The following DLG2 variants were observed in gnomAD, a reference collection of about 807,000 sequenced individuals.
The protein encoded by DLG2 is disks large homolog 2.
A neutral mutation model predicts 132.5 loss-of-function variants in DLG2; 45 were observed. The observed-to-expected ratio is 0.34, with a 90% CI of 0.27 to 0.44. The LOEUF is 0.44. Among genes scored for constraint, DLG2 ranks in the 20% least tolerant of loss-of-function variants. The pLI, the probability that DLG2 is intolerant of heterozygous loss-of-function variation, is 1.00. For missense variants in DLG2, 1,045 were observed against 1,196.9 expected, an observed-to-expected ratio of 0.87 and a Z score of 1.87; for synonymous variants, 424 against 419.6, an observed-to-expected ratio of 1.01 and a Z score of -0.13.
intron 3 of DLG2, among the ~76,000 whole-genome samples, chr11:85,385,166 G>A (rs2086224513): frequency 2.0e-5 from 3 of 152,110 alleles, no homozygotes; most frequent in Non-Finnish European, 1.5e-5. Flanking sequence ...CTACTTTATA[G>A]AAGGACTGTA....
At chr11:85,173,666 A>G (rs142750799) in intron 4 of DLG2, among the ~76,000 whole-genome samples, 1 of 152,328 alleles carries the variant, frequency 6.6e-6, no homozygotes, top group East Asian at 1.9e-4. Flanking sequence ...TGTTCCAATT[A>G]GAAGACAGAA....
chr11:84,171,566 T>C (rs1253476263), intron 8 of DLG2, among the ~76,000 whole-genome samples: 11 of 152,240 alleles, frequency 7.2e-5, no homozygotes. Flanking sequence ...TTCTTTTTTA[T>C]GGCTGAATAG....
At chr11:84,253,296 T>C (rs928259611) in intron 7 of DLG2, among the ~76,000 whole-genome samples, 2 of 152,144 alleles carry the variant, frequency 1.3e-5, no homozygotes, top group Admixed American at 6.5e-5. Context: ...AGTGACTTCC[T>C]AGTGGTGTGA....
chr11:84,107,013 T>TGTGAGAGAGAGAGA (rs1555348732), intron 9 of DLG2, among the ~76,000 whole-genome samples: 5 of 126,104 alleles, frequency 4.0e-5, no homozygotes, highest in African/African-American at 1.5e-4. Flanking sequence ...TGTGTGTGTG[T>TGTGAGAGAGAGAGA]GAGAGAGTTT....
In DLG2 at chr11:84,397,633, T is replaced by G. The variant is rs886466096; in HGVS notation, c.519+136937A>C. Reference sequence around the variant, plus strand: ...AGGAGCAGAGGTTTCTGCATGACTATGTGGTCAACAGCCCTATCGCCAACT... The same window carrying G: ...AGGAGCAGAGGTTTCTGCATGACTAGGTGGTCAACAGCCCTATCGCCAACT... On this transcript the variant is annotated intron_variant, in intron 7 of 27. Transcript: ENST00000376104. 7.2e-5 allele frequency among the ~76,000 whole-genome samples: 11 copies of G among 152,386 alleles called. 1 individual carries two copies. The highest frequency in any genetic ancestry group is 4.6e-4 in the Admixed American group (7 of 15,306).
At chr11:85,242,762 T>C (rs1451513249) in intron 4 of DLG2, among the ~76,000 whole-genome samples, 2 of 151,992 alleles carry the variant, frequency 1.3e-5, no homozygotes, top group East Asian at 3.9e-4. Context: ...TGTTGAGTTT[T>C]GATGCTTGTC....
At chr11:84,493,580 A>T (rs778994224) in intron 7 of DLG2, among the ~76,000 whole-genome samples, 18 of 152,116 alleles carry the variant, frequency 1.2e-4, no homozygotes, top group African/African-American at 4.3e-4. Context: ...CAAGGTGTTC[A>T]TCTCTACATA....
intron 6 of DLG2, among the ~76,000 whole-genome samples, chr11:85,007,514 A>T (rs1231677024): frequency 6.6e-6 from 1 of 151,542 alleles, no homozygotes; most frequent in Admixed American, 6.6e-5. Flanking sequence ...AACACAAAAA[A>T]AATTAGCCGG....
chr11:84,096,478 C>A (rs572058633), intron 10 of DLG2, among the ~76,000 whole-genome samples: 53 of 152,260 alleles, frequency 3.5e-4, no homozygotes, highest in African/African-American at 1.2e-3. Flanking sequence ...AGAGATATCA[C>A]TTTTCATTCT....
intron 10 of DLG2, among the ~76,000 whole-genome samples, chr11:84,087,375 C>G (rs1377177388): frequency 6.6e-6 from 1 of 152,154 alleles, no homozygotes; most frequent in Non-Finnish European, 1.5e-5. Flanking sequence ...TCTCCCTGTA[C>G]TTTTGATTTG....
At chr11:84,103,056 GA>G (rs758337176) in intron 9 of DLG2, among the ~76,000 whole-genome samples, 3 of 152,084 alleles carry the variant, frequency 2.0e-5, no homozygotes, top group Non-Finnish European at 4.4e-5. Context: ...AAGCATCCCT[GA>G]AAGCTTTTGT....
chr11:84,723,567 C>G (rs2062070946), intron 6 of DLG2, among the ~76,000 whole-genome samples: 2 of 152,116 alleles, frequency 1.3e-5, no homozygotes. Flanking sequence ...GTTTCCATGA[C>G]AATGCATTCC....
At chr11:85,532,904 A>G (rs2075308636) in intron 3 of DLG2, among the ~76,000 whole-genome samples, 1 of 152,220 alleles carries the variant, frequency 6.6e-6, no homozygotes, top group Non-Finnish European at 1.5e-5. Flanking sequence ...TCCACGAAAC[A>G]AAAAACAATG....
intron 15 of DLG2, among the ~76,000 whole-genome samples, chr11:83,916,313 T>TTTTTTG (rs1441599023): frequency 6.6e-6 from 1 of 151,872 alleles, no homozygotes; most frequent in Non-Finnish European, 1.5e-5. Flanking sequence ...TTAGGGTTTT[T>TTTTTTG]TTTTTGTTTT....
chr11:84,486,441 G>C (rs10501565), intron 7 of DLG2, among the ~76,000 whole-genome samples: 33,836 of 151,958 alleles, frequency 0.22, 3,992 homozygotes, highest in South Asian at 0.37. Flanking sequence ...GCCAAATGAA[G>C]TTACTGATTC....
chr11:83,699,705 G>A (rs1054011005), intron 18 of DLG2, among the ~76,000 whole-genome samples: 9 of 145,780 alleles, frequency 6.2e-5, no homozygotes, highest in African/African-American at 1.5e-4. Flanking sequence ...GCAAGACTCC[G>A]TCTAAAAAAA....
chr11:85,523,703 A>G (rs1263635929), intron 3 of DLG2, among the ~76,000 whole-genome samples: 2 of 152,202 alleles, frequency 1.3e-5, no homozygotes, highest in Non-Finnish European at 2.9e-5. Flanking sequence ...TAGAACTACC[A>G]TACAATCCAG....
At chr11:83,701,172 T>C (rs905093122) in intron 18 of DLG2, among the ~76,000 whole-genome samples, 3 of 152,058 alleles carry the variant, frequency 2.0e-5, no homozygotes, top group African/African-American at 7.2e-5. Flanking sequence ...GTTATGGTGG[T>C]TGAAAATTCC....
At chr11:85,018,200 C>T (rs551432883) in intron 6 of DLG2, among the ~76,000 whole-genome samples, 3 of 152,184 alleles carry the variant, frequency 2.0e-5, no homozygotes, top group Non-Finnish European at 2.9e-5. Flanking sequence ...AAAAGTATAA[C>T]AAAATTGAAA....
Sources: gnomAD v4.1 joint callset for allele counts (sites outside exome capture counted in the v4.1 genomes callset) on GRCh38, gnomAD v4.1.1 for gene constraint, MANE v1.5 for transcripts, NCBI Gene and HGNC (gene_info 2026-07-23, HGNC 2026-07-21) for gene names.